The following TNS1 variants were observed in gnomAD, a reference collection of about 807,000 sequenced individuals.
The protein encoded by TNS1 is tensin 1.
In TNS1, 62 loss-of-function variants were observed where a neutral mutation model predicts 168.6. The observed-to-expected ratio is 0.37, with a 90% CI of 0.30 to 0.45. TNS1 has a LOEUF of 0.45. Among genes scored for constraint, TNS1 ranks in the 20% least tolerant of loss-of-function variants. The probability of loss-of-function intolerance (pLI) is 1.00; values close to 1 mark genes in which losing one functional copy is unlikely to be tolerated. For missense variants in TNS1, 2,240 were observed against 2,339.4 expected (o/e 0.96, Z 0.88); for synonymous variants, 934 against 933.2 (o/e 1.00, Z -0.02).
upstream of TNS1, among the ~76,000 whole-genome samples, chr2:218,007,871 G>T (rs1299063668): frequency 6.6e-6 from 1 of 152,142 alleles, no homozygotes; most frequent in Non-Finnish European, 1.5e-5. Context: ...TACCCACCAA[G>T]CCCTGGCATG....
At chr2:217,988,953 A>G (rs1958278399) in intron 2 of TNS1, among the ~76,000 whole-genome samples, 1 of 152,226 alleles carries the variant, frequency 6.6e-6, no homozygotes, top group Admixed American at 6.5e-5. Context: ...GAAATTGTTC[A>G]GTGGGCTCTG....
intron 3 of TNS1, among the ~76,000 whole-genome samples, chr2:217,931,105 G>A (rs143861089): frequency 0.01 from 1,552 of 152,288 alleles, 23 homozygotes; most frequent in African/African-American, 0.036. Context: ...GGATGGCCCC[G>A]CCCGGGAGGG....
chr2:217,903,144 T>C (rs1476256088), intron 6 of TNS1, among the ~76,000 whole-genome samples: 1 of 152,114 alleles, frequency 6.6e-6, no homozygotes, highest in Non-Finnish European at 1.5e-5. Flanking sequence ...GCCTCCAATC[T>C]TCATGCTCAT....
At chr2:217,923,761 ACAGAAAGGTTAACAATTTGCC>A (rs1401306498) in intron 3 of TNS1, among the ~76,000 whole-genome samples, 1 of 152,236 alleles carries the variant, frequency 6.6e-6, no homozygotes, top group African/African-American at 2.4e-5. Flanking sequence ...AAACTAAGGC[ACAGAAAGGTTAACAATTTGCC>A]CAGCACTGCA....
chr2:217,853,411 G>A (rs1238019144), intron 18 of TNS1, among the ~76,000 whole-genome samples: 2 of 152,152 alleles, frequency 1.3e-5, no homozygotes, highest in East Asian at 3.8e-4. Context: ...GAACAATGGG[G>A]CATGGGCTAG....
At chr2:217,812,631 G>A (rs947483481) in intron 27 of TNS1, among the ~76,000 whole-genome samples, 186 bp from the exon 28 acceptor site, 2 of 152,102 alleles carry the variant, frequency 1.3e-5, no homozygotes, top group Non-Finnish European at 2.9e-5. Context: ...GATTCCCAAG[G>A]TTCACTCTCG....
intron 2 of TNS1, among the ~76,000 whole-genome samples, chr2:217,988,476 G>T (rs568685522): frequency 6.6e-6 from 1 of 152,132 alleles, no homozygotes. Flanking sequence ...AGACTGCCTC[G>T]TATCACCATA....
chr2:217,921,222 G>A (rs1453724458), intron 3 of TNS1, among the ~76,000 whole-genome samples: 3 of 152,174 alleles, frequency 2.0e-5, no homozygotes, highest in Non-Finnish European at 2.9e-5. Context: ...CCTTGGCTCC[G>A]ATTCCCAACC....
chr2:217,914,138 C>A (rs1205357140), intron 4 of TNS1, among the ~76,000 whole-genome samples: 3 of 152,148 alleles, frequency 2.0e-5, no homozygotes, highest in Non-Finnish European at 4.4e-5. Context: ...GGCAGGTTTC[C>A]CCAACCACCA....
chr2:217,985,067 A>AT (rs752091228), intron 2 of TNS1, among the ~76,000 whole-genome samples: 1,648 of 135,672 alleles, frequency 0.012, 14 homozygotes, highest in Middle Eastern at 0.034. Context: ...CCATTATGAG[A>AT]TTTTTTTTTT....
At chr2:217,805,534 C>CG (rs1559132279) in intron 32 of TNS1, among the ~76,000 whole-genome samples, 1 of 28,892 alleles carries the variant, frequency 3.5e-5, no homozygotes, top group Non-Finnish European at 7.7e-5. Flanking sequence ...ACCACACACA[C>CG]CACACACACC....
At chr2:217,931,611 G>A (rs775864879) in intron 3 of TNS1, among the ~76,000 whole-genome samples, 3 of 152,204 alleles carry the variant, frequency 2.0e-5, no homozygotes, top group Non-Finnish European at 4.4e-5. Context: ...GCCAGGACAA[G>A]GGCGTAGAGA....
chr2:217,951,306 A>AC (rs942700078), intron 3 of TNS1, among the ~76,000 whole-genome samples: 4 of 151,772 alleles, frequency 2.6e-5, no homozygotes, highest in African/African-American at 9.7e-5. Flanking sequence ...AGCCGTCACC[A>AC]CCCCCATCCC....
chr2:217,900,926 C>T lies in TNS1; in HGVS notation c.322-414G>A, dbSNP rs1952896454. Among the ~76,000 whole-genome samples, 6 of 152,338 alleles carry T rather than the reference C, an allele frequency of 3.9e-5. No homozygotes were observed. The South Asian group carries it at 1.2e-3, about 32-fold the overall frequency. On this transcript the variant is annotated intron_variant, in intron 6 of 32. Transcript: ENST00000682258. ...AGGAGCGATGAGAGTAATGGCGCCC[C>T]TCTGTCTTGCCACCATCACCCCACA...
At chr2:218,003,739 G>C (rs1247990826), upstream of TNS1, among the ~76,000 whole-genome samples, 1 of 151,184 alleles carries the variant, frequency 6.6e-6, no homozygotes, top group Admixed American at 6.6e-5. Flanking sequence ...TTTCTTGACT[G>C]TACCCGGGGC....
Position 217,848,065 on chromosome 2 carries a change from G to C in TNS1, c.2452C>G (p.Leu818Val). 1 of 1,540,248 alleles carries C rather than the reference G, an allele frequency of 6.5e-7. No homozygotes were observed. The highest frequency in any genetic ancestry group is 8.7e-7 in the Non-Finnish European group (1 of 1,143,420). The change falls in exon 19 of 33, where the codon CTC becomes GTC. Residue 818 changes from leucine (L) to valine (V), a missense_variant. This residue lies in a region of TNS1 where 2,131 missense variants were observed against 2,171.2 expected (regional missense o/e 0.98). Coordinates refer to ENST00000682258, the MANE Select transcript of TNS1 (RefSeq NM_001387777.1). ...GAGGCTGCTCGCGGGAACTCAGGGA[G>C]ACTGGGGATGGGGGTCTCTGCCAAT... ...QPLAETPIPS[L>V]PEFPRAASQQ...
intron 22 of TNS1, among the ~76,000 whole-genome samples, chr2:217,824,617 T>C (rs2125223448): frequency 6.6e-6 from 1 of 152,202 alleles, no homozygotes; most frequent in Admixed American, 6.5e-5. Flanking sequence ...AAGCCAATAG[T>C]TTCAGTGAGT....
At chr2:217,906,727 T>C (rs772407421) in intron 5 of TNS1, among the ~76,000 whole-genome samples, 5 of 152,162 alleles carry the variant, frequency 3.3e-5, no homozygotes, top group Non-Finnish European at 5.9e-5. Flanking sequence ...TCCAAGCCCA[T>C]GATTTCCTGC....
intron 3 of TNS1, among the ~76,000 whole-genome samples, chr2:217,961,389 C>T (rs949203387): frequency 6.6e-6 from 1 of 152,080 alleles, no homozygotes; most frequent in Non-Finnish European, 1.5e-5. Flanking sequence ...TGGTCGGCAC[C>T]ACCTTAGCCT....
Sources: allele counts gnomAD v4.1 joint callset (sites outside exome capture counted in the v4.1 genomes callset), GRCh38; gene constraint gnomAD v4.1.1; regional missense constraint gnomAD v4.1.1; transcripts MANE v1.5; gene names NCBI Gene and HGNC (gene_info 2026-07-23, HGNC 2026-07-21).